Variants in SLC5A8 observed in about 807,000 individuals in gnomAD.
The protein encoded by SLC5A8 is solute carrier family 5 member 8.
In SLC5A8, 55 loss-of-function variants were observed where a neutral mutation model predicts 71.9. The ratio of observed to expected loss-of-function variants is 0.77; its 90% CI spans 0.62 to 0.96. The LOEUF is 0.96. Ranked by LOEUF, SLC5A8 falls within the 40% of genes least tolerant of loss-of-function variation. The pLI is 0.00. For synonymous variants in SLC5A8, 307 were observed against 276.1 expected (o/e 1.11, Z -1.11); for missense variants, 701 against 745.3 (o/e 0.94, Z 0.69).
In SLC5A8 at chr12:101,157,323, A is replaced by G. The variant is rs2051674805; in HGVS notation, c.1789T>C (p.Leu597=). Residue 597 remains leucine, a synonymous_variant, in exon 15 of 15, where the codon TTG becomes CTG. Coordinates refer to ENST00000536262, the MANE Select transcript of SLC5A8 (RefSeq NM_145913.5). ...TDNPAFNHIE[L]NSDQSGKSNG... is the part of the protein sequence containing the mutation. ...CTCTTGCCACTCTGATCTGAGTTCA[A>G]TTCAATGTGGTTGAAAGCAGGATTA... The G allele has an allele frequency of 1.2e-5, 19 of 1,613,648 alleles. No homozygotes were observed. Among genetic ancestry groups the G allele is most frequent in the Non-Finnish European group, 1.5e-5 (18 of 1,179,784 alleles).
In SLC5A8 at chr12:101,209,694, A is replaced by C. The variant is rs771427826; in HGVS notation, c.155T>G (p.Met52Arg). The C allele has an allele frequency of 1.2e-5, 20 of 1,613,588 alleles. No individual in the cohort carries two copies. Among genetic ancestry groups the C allele is most frequent in the Non-Finnish European group, 1.7e-5 (20 of 1,180,038 alleles). The change falls in exon 1 of 15, where the codon ATG becomes AGG. Residue 52 changes from methionine to arginine, a missense_variant. Transcript: ENST00000536262. Reference protein sequence around the residue: ...SKDFLMGGRRMTAVPVALSLT... With the variant: ...SKDFLMGGRRRTAVPVALSLT... The stretch of plus-strand genomic sequence containing the variant: ...GGACAGCGCCACGGGCACTGCGGTC[A>C]TTCTGCGGCCGCCCATCAGGAAGTC...
At chr12:101,199,730 G>A (rs186946566) in intron 3 of SLC5A8, among the ~76,000 whole-genome samples, 4 of 151,702 alleles carry the variant, frequency 2.6e-5, no homozygotes, top group Non-Finnish European at 5.9e-5. Context: ...TAGCCACTTG[G>A]AAAAACTGTT....
rs766271067 is a variant in SLC5A8 at position 101,193,693 on chromosome 12, C to T, written c.624G>A (p.Val208=). ...TAGTGCTGATTCCACCTTGCATCAC[C>T]ACAGCCTGTATAATCACGGATGCAA... ...AGFASVIIQA[V]VMQGGISTIL... Residue 208 remains valine (V), a synonymous_variant, in exon 5 of 15, where the codon GTG becomes GTA. Coordinates refer to ENST00000536262, the MANE Select transcript of SLC5A8 (RefSeq NM_145913.5). 16 of 1,614,042 alleles carry T rather than the reference C, an allele frequency of 9.9e-6. No individual in the cohort carries two copies. The African/African-American group carries it at 2.1e-4, about 22-fold the overall frequency.
intron 5 of SLC5A8, among the ~76,000 whole-genome samples, chr12:101,191,541 C>T (rs1233309836): frequency 6.6e-6 from 1 of 152,180 alleles, no homozygotes; most frequent in African/African-American, 2.4e-5. Flanking sequence ...ACTGTTGACC[C>T]TTTCTCCCCA....
intron 8 of SLC5A8, among the ~76,000 whole-genome samples, chr12:101,183,246 T>C (rs979532634): frequency 1.3e-5 from 2 of 151,930 alleles, no homozygotes; most frequent in African/African-American, 2.4e-5. Context: ...AGGGTTTCAC[T>C]GTGTTAGCCA....
At position 101,200,557 on chromosome 12, in the gene SLC5A8, A is replaced by G. The variant is rs116932722; in HGVS notation, c.469+1607T>C. Among the ~76,000 whole-genome samples, 225 of 152,088 alleles carry G rather than the reference A, an allele frequency of 1.5e-3. 3 individuals carry two copies. In the East Asian group the frequency reaches 0.034, roughly 23 times the overall value. On this transcript the variant is annotated intron_variant, in intron 3 of 14. Transcript: ENST00000536262. ...TGGATCCTGATTCTTATAAACACTG[A>G]AAAAAAATCAGGGAAATGTAAACAC...
Position 101,209,843 on chromosome 12 carries a change from G to A in SLC5A8, c.6C>T (p.Asp2=), listed in dbSNP as rs1393849121. 3 of 1,542,750 alleles carry A rather than the reference G, an allele frequency of 1.9e-6. No homozygotes were observed. The East Asian group carries it at 6.8e-5, about 35-fold the overall frequency. The change falls in exon 1 of 15, where the codon GAC becomes GAT. Residue 2 remains aspartate, a synonymous_variant. Coordinates refer to ENST00000536262, the MANE Select transcript of SLC5A8 (RefSeq NM_145913.5). ...CGAAGGTGCCGATGCCCCGTGGCGT[G>A]TCCATGGCCGCACGGTCGCCTGAGC... is the stretch of plus-strand genomic sequence containing the variant. M[D]TPRGIGTFVV...
intron 2 of SLC5A8, among the ~76,000 whole-genome samples, chr12:101,202,889 T>C (rs1869519779): frequency 6.6e-6 from 1 of 152,182 alleles, no homozygotes. Context: ...AAAAGCAAAT[T>C]CCATGATTAT....
intron 12 of SLC5A8, among the ~76,000 whole-genome samples, chr12:101,165,748 A>G (rs1445318161): frequency 6.6e-6 from 1 of 152,180 alleles, no homozygotes; most frequent in African/African-American, 2.4e-5. Context: ...CCCCAAAGGT[A>G]TGACTATATT....
chr12:101,191,038 T>C (rs1311068914), intron 5 of SLC5A8, among the ~76,000 whole-genome samples: 3 of 152,212 alleles, frequency 2.0e-5, no homozygotes, highest in Admixed American at 6.5e-5. Flanking sequence ...ATTTTGTGTA[T>C]AGAATTCCTC....
chr12:101,161,974 C>T lies in SLC5A8; in HGVS notation c.1630G>A (p.Gly544Arg), dbSNP rs746671357. 2 of 1,596,132 alleles carry T rather than the reference C, an allele frequency of 1.3e-6. No individual in the cohort carries two copies. Among genetic ancestry groups the T allele is most frequent in the Non-Finnish European group, 1.7e-6 (2 of 1,164,022 alleles). Residue 544 changes from glycine to arginine, a missense_variant and splice_region_variant, in exon 13 of 15, where the codon GGA becomes AGA. Gly to Arg is a moderately radical substitution (Grantham distance 125, BLOSUM62 -2). Coordinates refer to ENST00000536262, the MANE Select transcript of SLC5A8 (RefSeq NM_145913.5). ...LVGILVSLSTGGRKQNLDPRY... is the reference protein window; with the variant it reads ...LVGILVSLSTRGRKQNLDPRY... ...ACAATACTAATGTTTAGATAGTTACCTGTTGATAAACTGACAAGTATCCCC... is the reference window on the plus strand; with the variant it reads ...ACAATACTAATGTTTAGATAGTTACTTGTTGATAAACTGACAAGTATCCCC...
At chr12:101,158,598 C>CTATATATATATATATATA (rs139268658) in intron 13 of SLC5A8, among the ~76,000 whole-genome samples, 18 of 21,210 alleles carry the variant, frequency 8.5e-4, no homozygotes, top group South Asian at 6.2e-3. Flanking sequence ...CTCTCTCTCT[C>CTATATATATATATATATA]TATATATATA....
chr12:101,168,909 G>T (rs1163427124), intron 10 of SLC5A8, among the ~76,000 whole-genome samples: 3 of 152,226 alleles, frequency 2.0e-5, no homozygotes, highest in African/African-American at 7.2e-5. Context: ...GGTTTGTCCA[G>T]AGAGTAAAGG....
intron 6 of SLC5A8, among the ~76,000 whole-genome samples, chr12:101,188,886 T>C (rs1451868669): frequency 6.6e-6 from 1 of 152,234 alleles, no homozygotes; most frequent in Non-Finnish European, 1.5e-5. Flanking sequence ...TTGTTTTATT[T>C]CACTTTGATG....
At chr12:101,157,694 A>C (rs1298370902) in intron 14 of SLC5A8, among the ~76,000 whole-genome samples, 1 of 152,178 alleles carries the variant, frequency 6.6e-6, no homozygotes, top group Non-Finnish European at 1.5e-5. Context: ...AAGTTATCAG[A>C]GGATAGACAG....
intron 2 of SLC5A8, among the ~76,000 whole-genome samples, chr12:101,202,995 A>T (rs2137169717): frequency 6.6e-6 from 1 of 152,332 alleles, no homozygotes; most frequent in South Asian, 2.1e-4. Flanking sequence ...TTCAAATGGG[A>T]GGTGGTAAAG....
chr12:101,166,258 C>T (rs1393950005), intron 12 of SLC5A8, among the ~76,000 whole-genome samples: 1 of 152,098 alleles, frequency 6.6e-6, no homozygotes, highest in Non-Finnish European at 1.5e-5. Context: ...AGAAGTTTCT[C>T]ATTAATATTT....
intron 3 of SLC5A8, among the ~76,000 whole-genome samples, chr12:101,200,938 C>A (rs187802558): frequency 2.8e-4 from 42 of 152,274 alleles, no homozygotes; most frequent in Admixed American, 9.8e-4. Flanking sequence ...ACACTAAGTT[C>A]TGTGTCTATG....
intron 13 of SLC5A8, among the ~76,000 whole-genome samples, chr12:101,160,657 C>T (rs111298694): frequency 0.011 from 1,625 of 152,284 alleles, 16 homozygotes; most frequent in South Asian, 0.023. Flanking sequence ...TGATCTCTCA[C>T]CTGGGTTACT....
Sources: gnomAD v4.1 joint callset for allele counts (sites outside exome capture counted in the v4.1 genomes callset) on GRCh38, gnomAD v4.1.1 for gene constraint, MANE v1.5 for transcripts, NCBI Gene and HGNC (gene_info 2026-07-23, HGNC 2026-07-21) for gene names.